C2: variants seen among roughly 807,000 people sequenced by gnomAD.
The protein encoded by C2 is complement C2.
Under a neutral mutation model 85.2 loss-of-function variants are expected in C2, and 64 were observed. That is an observed-to-expected ratio of 0.75 (90% confidence interval 0.61 to 0.92). C2 has a LOEUF of 0.92. C2 is among the 40% of genes least tolerant of loss of function. C2 has a pLI of 0.00. For synonymous variants in C2, 311 were observed against 370.8 expected (o/e 0.84, Z 1.85); for missense variants, 820 against 971.6 (o/e 0.84, Z 2.07).
rs988199270 is a variant in C2, at chr6:31,906,267, C to T, written c.73+5128C>T. 5.3e-5 allele frequency among the ~76,000 whole-genome samples: 8 copies of T among 151,996 alleles called. 1 individual carries two copies. Among genetic ancestry groups the T allele is most frequent in the African/African-American group, 1.9e-4 (8 of 41,316 alleles). ...ATGTGAAAACAAAGTGCCTGCACCA[C>T]TCCCATCCATCTGCAAAACCACCTT... On this transcript the variant is annotated intron_variant, in intron 1 of 3. Transcript: ENST00000452202.
rs761770385 is a variant in C2, at chr6:31,937,372, C to T, written c.1042C>T (p.Leu348Phe). 1.2e-6 allele frequency: 2 copies of T among 1,612,668 alleles called. No homozygotes were observed. The highest frequency in any genetic ancestry group is 1.7e-6 in the Non-Finnish European group (2 of 1,179,950). ...CTATGCGGCCTTAAACAGTGTCTAT[C>T]TCATGATGAACAACCAAATGCGACT... ...NTYAALNSVY[L>F]MMNNQMRLLG... The change falls in exon 8 of 18, where the codon CTC (leucine) becomes TTC (phenylalanine). Residue 348 changes from leucine to phenylalanine, a missense_variant. Coordinates refer to ENST00000299367, the MANE Select transcript of C2 (RefSeq NM_000063.6).
In C2 at chr6:31,935,742, A is replaced by G. The variant is rs1178274332; in HGVS notation, c.850-181A>G. On this transcript the variant is annotated intron_variant, in intron 6 of 17. Transcript: ENST00000299367. This position sits in a 1 kb window ranked among gnomAD's most constrained non-coding sequence, Gnocchi z 4.3. ...CCTAAAGTGTTGGGATTCAGGCATGAGCCACCGCGCCCAGCCCCTAGCTTC... is the reference window on the plus strand; with the variant it reads ...CCTAAAGTGTTGGGATTCAGGCATGGGCCACCGCGCCCAGCCCCTAGCTTC... Among the ~76,000 whole-genome samples, 1 of 152,032 alleles carries G rather than the reference A, an allele frequency of 6.6e-6. No individual in the cohort carries two copies.
chr6:31,908,324 A>G (rs1767865060), intron 1 of C2, among the ~76,000 whole-genome samples: 1 of 151,770 alleles, frequency 6.6e-6, no homozygotes, highest in African/African-American at 2.4e-5. Flanking sequence ...AGTTAGAGTC[A>G]GTAGATACAG....
Position 31,935,344 on chromosome 6 carries a change from G to A in C2, c.850-579G>A, listed in dbSNP as rs621701. ...AAGGGGGACAAGGCAACATACCTCA[G>A]TTTCCTTATCCATAAAATAGGGGTC... On this transcript the variant is annotated intron_variant, in intron 6 of 17. Transcript: ENST00000299367. This position sits in a 1 kb window ranked among gnomAD's most constrained non-coding sequence, Gnocchi z 4.3. The A allele has an allele frequency of 0.073, 11,202 of 152,986 alleles. 456 individuals are homozygous for A. Among genetic ancestry groups the A allele is most frequent in the African/African-American group, 0.11 (4,553 of 41,508 alleles). 9.5% of individuals were successfully genotyped at this position (152,986 alleles called of 1,614,324 possible). A position where few individuals can be genotyped will look rare whatever the true frequency, so the allele number is the denominator to read the frequency against.
rs771080725 is a variant in C2, at chr6:31,943,987, G to A, written c.1804G>A (p.Asp602Asn). The A allele has an allele frequency of 3.7e-6, 6 of 1,612,948 alleles. No homozygotes were observed. Among genetic ancestry groups the A allele is most frequent in the Non-Finnish European group, 5.1e-6 (6 of 1,179,954 alleles). Residue 602 changes from aspartate (D) to asparagine (N), a missense_variant, in exon 14 of 18, where the codon GAC becomes AAC. Transcript: ENST00000299367. This position sits in a 1 kb window ranked among gnomAD's most constrained non-coding sequence, Gnocchi z 6.4. The stretch of plus-strand genomic sequence containing the variant: ...GAGACCTCAAGGCAGCACCTGTAGG[G>A]ACCATGGTGAGTGCTGGGACTTATG... ...LRRPQGSTCR[D>N]HENELLNKQS...
At chr6:31,932,075 G>A (rs1242734793) in intron 3 of C2, among the ~76,000 whole-genome samples, 4 of 131,316 alleles carry the variant, frequency 3.0e-5, no homozygotes, top group South Asian at 2.5e-4. Context: ...CCGGGCAGAG[G>A]CGCCCCTCAC....
chr6:31,928,965 GGAACCC>G, intron 3 of C2, 48 bp downstream of exon 3: 1 of 1,542,048 alleles, frequency 6.5e-7, no homozygotes, highest in Non-Finnish European at 8.8e-7. Context: ...GGTCTCCTGG[GGAACCC>G]TGGGGCCCAA....
chr6:31,940,239 A>G (rs1770773271), intron 9 of C2, among the ~76,000 whole-genome samples: 2 of 152,330 alleles, frequency 1.3e-5, no homozygotes, highest in South Asian at 4.1e-4. Flanking sequence ...ATGCTCAGAC[A>G]AACACTGCCT....
In C2 at chr6:31,944,853, G is replaced by A. The variant is rs768757664; in HGVS notation, c.2029G>A (p.Gly677Arg). The change falls in exon 16 of 18, where the codon GGA becomes AGA. Residue 677 changes from glycine (G) to arginine (R), a missense_variant and splice_region_variant. Physicochemically the swap from Gly to Arg is moderately radical, Grantham distance 125. Transcript: ENST00000299367. The surrounding 1 kb of genome is among the most constrained non-coding windows in gnomAD (Gnocchi z 5.1). ...GTQEDESPCK[G>R]ESGGAVFLER... The stretch of plus-strand genomic sequence containing the variant: ...CCAGGAGGATGAGAGTCCCTGCAAG[G>A]GTGAGTCCCTCACCATGCCTGGATT... The A allele has an allele frequency of 6.2e-7, 1 of 1,613,024 alleles. No individual in the cohort carries two copies.
chr6:31,916,558 C>CAAAA (rs9279453), upstream of C2, among the ~76,000 whole-genome samples: 1 of 81,076 alleles, frequency 1.2e-5, no homozygotes, highest in Non-Finnish European at 2.4e-5. Context: ...GACTCCGTCT[C>CAAAA]AAAAAAAAAA....
chr6:31,944,050 C>T lies in C2; in HGVS notation c.1810+57C>T, dbSNP rs1771140262. 1 of 1,595,936 alleles carries T rather than the reference C, an allele frequency of 6.3e-7. No individual in the cohort carries two copies. Among genetic ancestry groups the T allele is most frequent in the Non-Finnish European group, 8.6e-7 (1 of 1,164,648 alleles). Reference sequence around the variant, plus strand: ...TGGGGCCGGGGTTTGGGGGTGATAACAAGGACTAGGCTGCAGTCCCCAAGC... The same window carrying T: ...TGGGGCCGGGGTTTGGGGGTGATAATAAGGACTAGGCTGCAGTCCCCAAGC... On this transcript the variant is annotated intron_variant, in intron 14 of 17. Transcript: ENST00000299367. The surrounding 1 kb of genome is among the most constrained non-coding windows in gnomAD (Gnocchi z 5.1).
chr6:31,916,750 CT>C (rs67751925), upstream of C2, among the ~76,000 whole-genome samples: 95,443 of 110,906 alleles, frequency 0.86, 40,911 homozygotes, highest in East Asian at 0.97. Context: ...GTTCTCTGCC[CT>C]TTTTTTTTTT....
At chr6:31,940,006 C>T (rs1770755880) in intron 9 of C2, among the ~76,000 whole-genome samples, 1 of 152,116 alleles carries the variant, frequency 6.6e-6, no homozygotes, top group Non-Finnish European at 1.5e-5. Flanking sequence ...AAACCCCTGG[C>T]CTCAAGTGAT....
In C2 at chr6:31,945,107, G is replaced by T. The variant is rs1435160264; in HGVS notation, c.2080-71G>T. On this transcript the variant is annotated intron_variant, in intron 17 of 17. Transcript: ENST00000299367. This position sits in a 1 kb window ranked among gnomAD's most constrained non-coding sequence, Gnocchi z 5.3. ...TGGGGGGATGAGGGAGGCCTTTGAG[G>T]GATCTAGGGAGGTTGGGGCTTACAG... 1.2e-6 allele frequency: 2 copies of T among 1,609,398 alleles called. No individual in the cohort carries two copies. The highest frequency in any genetic ancestry group is 1.7e-6 in the Non-Finnish European group (2 of 1,176,932).
At position 31,945,104 on chromosome 6, in the gene C2, G is replaced by A. The variant is rs1007547475; in HGVS notation, c.2080-74G>A. On this transcript the variant is annotated intron_variant, in intron 17 of 17. Coordinates refer to ENST00000299367, the MANE Select transcript of C2 (RefSeq NM_000063.6). The surrounding 1 kb of genome is among the most constrained non-coding windows in gnomAD (Gnocchi z 5.3). The stretch of plus-strand genomic sequence containing the variant: ...TGTTGGGGGGATGAGGGAGGCCTTT[G>A]AGGGATCTAGGGAGGTTGGGGCTTA... The A allele has an allele frequency of 7.5e-6, 12 of 1,610,038 alleles. No individual in the cohort carries two copies. The highest frequency in any genetic ancestry group is 1.0e-5 in the Non-Finnish European group (12 of 1,177,452).
rs1170454953 is a variant in C2, at chr6:31,944,667, C to T, written c.1903-60C>T. The stretch of plus-strand genomic sequence containing the variant: ...AAGTGCTGAGATTACAGGCGTGAGC[C>T]ACTGCACCCACCCGGGTCTGCTTAT... On this transcript the variant is annotated intron_variant, in intron 15 of 17. Coordinates refer to ENST00000299367, the MANE Select transcript of C2 (RefSeq NM_000063.6). This position sits in a 1 kb window ranked among gnomAD's most constrained non-coding sequence, Gnocchi z 5.1. The T allele has an allele frequency of 2.5e-6, 4 of 1,599,984 alleles. No individual in the cohort carries two copies. The highest frequency in any genetic ancestry group is 1.7e-6 in the Non-Finnish European group (2 of 1,169,256).
At chr6:31,934,362 C>T in intron 6 of C2, 63 bp downstream of exon 6, 1 of 1,608,934 alleles carries the variant, frequency 6.2e-7, no homozygotes, top group South Asian at 1.1e-5. Context: ...CTCTCTGTCT[C>T]CTTCCCCTCC....
intron 3 of C2, among the ~76,000 whole-genome samples, chr6:31,931,985 G>T (rs9267686): frequency 2.5e-5 from 3 of 121,936 alleles, no homozygotes; most frequent in East Asian, 3.0e-4. Flanking sequence ...CTGGCCGGGC[G>T]GGGGGCTGAC....
Position 31,944,353 on chromosome 6 carries a change from A to G in C2, c.1902+127A>G. 1.4e-6 allele frequency: 1 copy of G among 731,750 alleles called. No individual in the cohort carries two copies. Among genetic ancestry groups the G allele is most frequent in the Admixed American group, 2.0e-5 (1 of 49,976 alleles). The allele number at this position is 731,750 out of a possible 1,614,324, so 45.3% of individuals were successfully genotyped here. On this transcript the variant is annotated intron_variant, in intron 15 of 17. Coordinates refer to ENST00000299367, the MANE Select transcript of C2 (RefSeq NM_000063.6). The surrounding 1 kb of genome is among the most constrained non-coding windows in gnomAD (Gnocchi z 5.1). ...TCACCCCTCCTCCCAAGCCTCACAAACCTGCTAGGTGTCCCTGGGTCTGCT... is the reference window on the plus strand; with the variant it reads ...TCACCCCTCCTCCCAAGCCTCACAAGCCTGCTAGGTGTCCCTGGGTCTGCT...
Sources: gnomAD v4.1 joint callset for allele counts (sites outside exome capture counted in the v4.1 genomes callset) on GRCh38, gnomAD v4.1.1 for gene constraint, Gnocchi (gnomAD v3.1) non-coding constraint, MANE v1.5 for transcripts, NCBI Gene and HGNC (gene_info 2026-07-23, HGNC 2026-07-21) for gene names.